The following NLGN2 variants were observed in gnomAD, a reference collection of about 807,000 sequenced individuals.
NLGN2 encodes the protein neuroligin 2, also known as neuroligin-2.
A neutral mutation model predicts 48.6 loss-of-function variants in NLGN2; 11 were observed. That is an observed-to-expected ratio of 0.23 (90% CI 0.14 to 0.37). NLGN2 has a LOEUF of 0.37. NLGN2 is among the 10% of genes least tolerant of loss of function. NLGN2 has a pLI of 1.00. For synonymous variants in NLGN2, 548 were observed against 550.0 expected (o/e 1.00, Z 0.05); for missense variants, 801 against 1,225.2 (o/e 0.65, Z 5.17).
In NLGN2 at chr17:7,408,475, T is replaced by C; in HGVS notation, c.220T>C (p.Tyr74His). 1.3e-6 allele frequency: 2 copies of C among 1,535,178 alleles called. No individual in the cohort carries two copies. The highest frequency in any genetic ancestry group is 1.2e-5 in the South Asian group (1 of 82,722). The change falls in exon 1 of 7, where the codon TAC (tyrosine) becomes CAC (histidine). Residue 74 changes from tyrosine (Y) to histidine (H), a missense_variant. By Grantham distance (83) the Tyr-to-His change is moderately conservative (BLOSUM62 2). Transcript: ENST00000302926. This position sits in a 1 kb window ranked among gnomAD's most constrained non-coding sequence, Gnocchi z 7.5. ...CGTCGTGCAGTTCTTGGGCGTGCCC[T>C]ACGCCACGCCGCCCCTGGGCGCCCG... Reference protein sequence around the residue: ...GPVVQFLGVPYATPPLGARRF... With the variant: ...GPVVQFLGVPHATPPLGARRF...
chr17:7,415,793 C>A lies in NLGN2; in HGVS notation c.1320C>A (p.Asp440Glu). 1 of 1,614,190 alleles carries A rather than the reference C, an allele frequency of 6.2e-7. No individual in the cohort carries two copies. ...AGTTTATGTACACAGACTGGGCCGA[C>A]CGGGACAATGGCGAAATGCGCCGCA... Reference protein sequence around the residue: ...TIKFMYTDWADRDNGEMRRKT... With the variant: ...TIKFMYTDWAERDNGEMRRKT... The change falls in exon 6 of 7, where the codon GAC (aspartate) becomes GAA (glutamate). Residue 440 changes from aspartate to glutamate, a missense_variant. Asp to Glu is a conservative substitution (Grantham distance 45). Around this residue, in one of 5 missense-constraint regions of NLGN2, gnomAD observed 303 missense variants for 600.1 expected, o/e 0.50. Coordinates refer to ENST00000302926, the MANE Select transcript of NLGN2 (RefSeq NM_020795.4).
At position 7,412,097 on chromosome 17, in the gene NLGN2, G is replaced by A. The variant is rs921030232; in HGVS notation, c.458-60G>A. ...CCCTCCCCATCCACCACCTCCCCCC[G>A]ACCCCCATCTTTCCCCACAAAATTG... is the stretch of plus-strand genomic sequence containing the variant. On this transcript the variant is annotated intron_variant, in intron 1 of 6. Transcript: ENST00000302926. 31 of 183,798 alleles carry A rather than the reference G, an allele frequency of 1.7e-4. No homozygotes were observed. In the East Asian group the frequency reaches 1.9e-3, roughly 11 times the overall value. The allele number at this position is 183,798 out of a possible 1,614,324, so 11.4% of individuals were successfully genotyped here. A position where few individuals can be genotyped will look rare whatever the true frequency, so the allele number is the denominator to read the frequency against.
upstream of NLGN2, chr17:7,405,032 A>G (rs1230009964): frequency 6.6e-6 from 1 of 151,682 alleles, no homozygotes; most frequent in Non-Finnish European, 1.5e-5. This position sits in a 1 kb window ranked among gnomAD's most constrained non-coding sequence, Gnocchi z 6.8. Flanking sequence ...CTTCCCTCCT[A>G]GGATCCGCGC....
chr17:7,412,815 T>C (rs199712189), intron 2 of NLGN2, among the ~76,000 whole-genome samples: 1 of 152,200 alleles, frequency 6.6e-6, no homozygotes, highest in East Asian at 1.9e-4. Flanking sequence ...CTTTTTTTCT[T>C]TTTTCCCAAA....
chr17:7,413,097 G>GAGGACAATTAGGACAGGACCTT lies in NLGN2; in HGVS notation c.508+890_508+891insAGGACAATTAGGACAGGACCTT, dbSNP rs1906964938. ...AAGGAGATTCCGGCCTGAAAGTGCT[G>GAGGACAATTAGGACAGGACCTT]GGAGGTCACTTGAGGTTCAGGAGCA... On this transcript the variant is annotated intron_variant, in intron 2 of 6. Coordinates refer to ENST00000302926, the MANE Select transcript of NLGN2 (RefSeq NM_020795.4). This position sits in a 1 kb window ranked among gnomAD's most constrained non-coding sequence, Gnocchi z 4.9. Among the ~76,000 whole-genome samples the GAGGACAATTAGGACAGGACCTT allele has an allele frequency of 6.6e-6, 1 of 152,188 alleles. No individual in the cohort carries two copies. The highest frequency in any genetic ancestry group is 1.5e-5 in the Non-Finnish European group (1 of 68,030).
intron 6 of NLGN2, among the ~76,000 whole-genome samples, chr17:7,416,418 G>C (rs925271022): frequency 6.6e-6 from 1 of 152,118 alleles, no homozygotes; most frequent in Non-Finnish European, 1.5e-5. Flanking sequence ...CTGCTCAGGT[G>C]TGTGTGTCTG....
Position 7,408,056 on chromosome 17 carries a change from C to T in NLGN2, c.-200C>T, listed in dbSNP as rs1164192568. On this transcript the variant is annotated 5_prime_UTR_variant, in exon 1 of 7. Transcript: ENST00000302926. The surrounding 1 kb of genome is among the most constrained non-coding windows in gnomAD (Gnocchi z 7.5). ...TCTCCCATTTCCTTCCCCTTCCCCACCCCGTGCCCCCTCCATGGAGAGGAA... is the reference window on the plus strand; with the variant it reads ...TCTCCCATTTCCTTCCCCTTCCCCATCCCGTGCCCCCTCCATGGAGAGGAA... 4 of 353,654 alleles carry T rather than the reference C, an allele frequency of 1.1e-5. No individual in the cohort carries two copies. The highest frequency in any genetic ancestry group is 2.0e-5 in the Non-Finnish European group (4 of 198,782). 21.9% of individuals were successfully genotyped at this position (353,654 alleles called of 1,614,324 possible).
At chr17:7,412,607 C>CA (rs149438782) in intron 2 of NLGN2, among the ~76,000 whole-genome samples, 7,409 of 151,722 alleles carry the variant, frequency 0.049, 205 homozygotes, top group Non-Finnish European at 0.055. Context: ...AACAACAGTT[C>CA]AAAAAAAATT....
Position 7,416,164 on chromosome 17 carries a change from C to T in NLGN2, c.1634+57C>T, listed in dbSNP as rs1907093848. The T allele has an allele frequency of 1.9e-5, 26 of 1,395,926 alleles. No individual in the cohort carries two copies. The Admixed American group carries it at 1.9e-4, about 10-fold the overall frequency. The allele number at this position is 1,395,926 out of a possible 1,614,324, so 86.5% of individuals were successfully genotyped here. A position where few individuals can be genotyped will look rare whatever the true frequency, so the allele number is the denominator to read the frequency against. ...CGGGGCCCTCCCTCCTTCACATGGC[C>T]GCCGTTCCTCTGTTAAGGCACTCAC... On this transcript the variant is annotated intron_variant, in intron 6 of 6. Coordinates refer to ENST00000302926, the MANE Select transcript of NLGN2 (RefSeq NM_020795.4).
At chr17:7,406,422 A>G (rs1381625364), upstream of NLGN2, among the ~76,000 whole-genome samples, 1 of 151,960 alleles carries the variant, frequency 6.6e-6, no homozygotes, top group Non-Finnish European at 1.5e-5. Context: ...CCAGTCTGGC[A>G]CAGGAAAAGG....
At chr17:7,405,307 G>A (rs1906585045), upstream of NLGN2, 1 of 152,414 alleles carries the variant, frequency 6.6e-6, no homozygotes, top group African/African-American at 2.4e-5. This position sits in a 1 kb window ranked among gnomAD's most constrained non-coding sequence, Gnocchi z 6.8. Context: ...CGGAACCAGC[G>A]GATCCTCAAT....
chr17:7,413,913 A>G lies in NLGN2; in HGVS notation c.509-431A>G, dbSNP rs960290242. ...AGGGTGCCATGTGGAGTGGAGGCCCAAGGCCTGAGTCGGAGGAGACACCAG... is the reference window on the plus strand; with the variant it reads ...AGGGTGCCATGTGGAGTGGAGGCCCGAGGCCTGAGTCGGAGGAGACACCAG... On this transcript the variant is annotated intron_variant, in intron 2 of 6. Transcript: ENST00000302926. The surrounding 1 kb of genome is among the most constrained non-coding windows in gnomAD (Gnocchi z 4.9). Among the ~76,000 whole-genome samples, 1 of 151,964 alleles carries G rather than the reference A, an allele frequency of 6.6e-6. No homozygotes were observed. Among genetic ancestry groups the G allele is most frequent in the African/African-American group, 2.4e-5 (1 of 41,364 alleles).
chr17:7,412,293 C>T, intron 2 of NLGN2, 86 bp downstream of exon 2: 1 of 917,420 alleles, frequency 1.1e-6, no homozygotes, highest in Non-Finnish European at 1.8e-6. Flanking sequence ...CCCCACAGCC[C>T]TCAAGGCCCC....
In NLGN2 at chr17:7,408,654, C is replaced by T. The variant is rs933626012; in HGVS notation, c.399C>T (p.Tyr133=). The T allele has an allele frequency of 1.2e-6, 2 of 1,613,026 alleles. No homozygotes were observed. Among genetic ancestry groups the T allele is most frequent in the African/African-American group, 2.7e-5 (2 of 75,052 alleles). ...FTDNLEAAAT[Y]VQNQSEDCLY... The stretch of plus-strand genomic sequence containing the variant: ...ACAACTTGGAGGCGGCCGCCACCTA[C>T]GTGCAGAACCAGAGCGAGGACTGCC... The change falls in exon 1 of 7, where the codon TAC becomes TAT. Residue 133 remains tyrosine (Y), a synonymous_variant. Coordinates refer to ENST00000302926, the MANE Select transcript of NLGN2 (RefSeq NM_020795.4). The surrounding 1 kb of genome is among the most constrained non-coding windows in gnomAD (Gnocchi z 7.5).
At chr17:7,416,343 T>A (rs1017702792) in intron 6 of NLGN2, among the ~76,000 whole-genome samples, 4 of 151,700 alleles carry the variant, frequency 2.6e-5, no homozygotes, top group African/African-American at 9.6e-5. Flanking sequence ...TTGGCGTCTG[T>A]CTCTCCCTCC....
chr17:7,413,442 G>T lies in NLGN2; in HGVS notation c.509-902G>T, dbSNP rs1361663616. On this transcript the variant is annotated intron_variant, in intron 2 of 6. Coordinates refer to ENST00000302926, the MANE Select transcript of NLGN2 (RefSeq NM_020795.4). The surrounding 1 kb of genome is among the most constrained non-coding windows in gnomAD (Gnocchi z 4.9). ...AAAGAGGAGGGCCTGTGGGCCAGGGGTGACCCCAGCCCTAGCACTATGGCT... is the reference window on the plus strand; with the variant it reads ...AAAGAGGAGGGCCTGTGGGCCAGGGTTGACCCCAGCCCTAGCACTATGGCT... 6.6e-6 allele frequency among the ~76,000 whole-genome samples: 1 copy of T among 152,186 alleles called. No individual in the cohort carries two copies. Among genetic ancestry groups the T allele is most frequent in the Non-Finnish European group, 1.5e-5 (1 of 68,024 alleles).
chr17:7,412,136 GT>G lies in NLGN2; in HGVS notation c.458-17del. 1 of 1,392,974 alleles carries G rather than the reference GT, an allele frequency of 7.2e-7. No homozygotes were observed. The highest frequency in any genetic ancestry group is 1.7e-5 in the African/African-American group (1 of 57,408). 86.3% of individuals were successfully genotyped at this position (1,392,974 alleles called of 1,614,324 possible). ...CCCACAAAATTGTCCTTTTTTCTCT[GT>G]TTTGTGTTCCCGGTCTTAGGTCCGC... On this transcript the variant is annotated intron_variant, in intron 1 of 6. Coordinates refer to ENST00000302926, the MANE Select transcript of NLGN2 (RefSeq NM_020795.4).
Position 7,408,598 on chromosome 17 carries a change from C to T in NLGN2, c.343C>T (p.Pro115Ser). 1 of 1,587,364 alleles carries T rather than the reference C, an allele frequency of 6.3e-7. No homozygotes were observed. ...CCCGCAGAACCTGCACGGGGCGCTG[C>T]CCGCCATCATGCTGCCTGTGTGGTT... ...ACPQNLHGALPAIMLPVWFTD... is the reference protein window; with the variant it reads ...ACPQNLHGALSAIMLPVWFTD... Residue 115 changes from proline (P) to serine (S), a missense_variant, in exon 1 of 7, where the codon CCC becomes TCC. By Grantham distance (74) the Pro-to-Ser change is moderately conservative (BLOSUM62 -1). Around this residue, in one of 5 missense-constraint regions of NLGN2, gnomAD observed 164 missense variants for 186.2 expected, o/e 0.88. Transcript: ENST00000302926. This position sits in a 1 kb window ranked among gnomAD's most constrained non-coding sequence, Gnocchi z 7.5.
At chr17:7,407,329 C>T (rs1906686704), upstream of NLGN2, among the ~76,000 whole-genome samples, 2 of 152,158 alleles carry the variant, frequency 1.3e-5, no homozygotes, top group African/African-American at 2.4e-5. Context: ...TACTCTAACC[C>T]CAGCCTCAAG....
Sources: gnomAD v4.1 joint callset for allele counts (sites outside exome capture counted in the v4.1 genomes callset) on GRCh38, gnomAD v4.1.1 for gene constraint, gnomAD v4.1.1 regional missense constraint, Gnocchi (gnomAD v3.1) non-coding constraint, MANE v1.5 for transcripts, NCBI Gene and HGNC (gene_info 2026-07-23, HGNC 2026-07-21) for gene names.